IL1RAPL2: variants seen among roughly 807,000 people sequenced by gnomAD.
IL1RAPL2 encodes the protein X-linked interleukin-1 receptor accessory protein-like 2.
In IL1RAPL2, 3 loss-of-function variants were observed where a neutral mutation model predicts 44.1. The ratio of observed to expected loss-of-function variants is 0.07; its 90% CI spans 0.03 to 0.18. The LOEUF (loss-of-function observed/expected upper bound fraction) is 0.18. IL1RAPL2 is among the 10% of genes least tolerant of loss of function. IL1RAPL2 has a pLI of 1.00. For missense variants in IL1RAPL2, 391 were observed against 496.4 expected (o/e 0.79, Z 2.02); for synonymous variants, 181 against 178.8 (o/e 1.01, Z -0.10).
At chrX:105,579,892 G>C (rs2037076566) in intron 6 of IL1RAPL2, among the ~76,000 whole-genome samples, 1 of 111,793 alleles carries the variant, frequency 8.9e-6, no homozygotes, top group Non-Finnish European at 1.9e-5. Flanking sequence ...TGGGATGGCT[G>C]TGGTATCCCA....
intron 2 of IL1RAPL2, among the ~76,000 whole-genome samples, chrX:105,151,570 T>C (rs1457291742): frequency 9.1e-6 from 1 of 110,434 alleles, no homozygotes; most frequent in African/African-American, 3.3e-5. Context: ...AGATTTATCA[T>C]AGTAGACAGG....
intron 1 of IL1RAPL2, among the ~76,000 whole-genome samples, chrX:104,592,791 T>C (rs1015002784): frequency 8.9e-6 from 1 of 112,106 alleles, no homozygotes; most frequent in Non-Finnish European, 1.9e-5. Context: ...GCCGGTTCCA[T>C]TTTGGAAGTC....
chrX:104,696,129 A>C (rs1380322564), intron 2 of IL1RAPL2, among the ~76,000 whole-genome samples: 1 of 112,072 alleles, frequency 8.9e-6, no homozygotes, highest in Non-Finnish European at 1.9e-5. Context: ...GCTTTTATCC[A>C]CTGAGGAGTG....
At chrX:104,779,498 G>T (rs781263360) in intron 2 of IL1RAPL2, among the ~76,000 whole-genome samples, 4 of 112,263 alleles carry the variant, frequency 3.6e-5, no homozygotes. Flanking sequence ...ATGGGGATTA[G>T]GGGTTTGAAT....
rs773709388 is a variant in IL1RAPL2, at chrX:105,167,123, A to G, written c.83-28352A>G. On this transcript the variant is annotated intron_variant, in intron 2 of 10. Transcript: ENST00000372582. ...AATGGTCCAACTTCTCTCATCTCTT[A>G]TCTGAACCTACAATCAAGGAGTCCC... is the stretch of plus-strand genomic sequence containing the variant. 3.6e-5 allele frequency among the ~76,000 whole-genome samples: 4 copies of G among 112,292 alleles called. No individual in the cohort carries two copies. The Admixed American group carries it at 3.8e-4, about 11-fold the overall frequency.
At chrX:104,889,390 C>T (rs952417369) in intron 2 of IL1RAPL2, among the ~76,000 whole-genome samples, 1 of 111,890 alleles carries the variant, frequency 8.9e-6, no homozygotes, top group Non-Finnish European at 1.9e-5. Flanking sequence ...ACCAGAGCTA[C>T]CTTGGCAAGT....
chrX:105,018,688 G>A (rs745542531), intron 2 of IL1RAPL2, among the ~76,000 whole-genome samples: 1 of 111,181 alleles, frequency 9.0e-6, no homozygotes, highest in Non-Finnish European at 1.9e-5. Context: ...ATTATTGAGA[G>A]ATTTAAATAA....
intron 6 of IL1RAPL2, among the ~76,000 whole-genome samples, chrX:105,612,732 TG>T (rs753981023): frequency 1.8e-5 from 2 of 111,793 alleles, no homozygotes; most frequent in South Asian, 7.5e-4. Context: ...AGTGCTGCCC[TG>T]TCTCGGCAGA....
intron 5 of IL1RAPL2, chrX:105,405,828 T>G: frequency 8.5e-7 from 1 of 1,175,969 alleles, no homozygotes; most frequent in Non-Finnish European, 1.2e-6. Flanking sequence ...TTTATCTGAT[T>G]TGCTTTCTGT....
chrX:105,599,281 T>C (rs370633131), intron 6 of IL1RAPL2, among the ~76,000 whole-genome samples: 6 of 112,154 alleles, frequency 5.3e-5, no homozygotes, highest in African/African-American at 1.9e-4. Context: ...ATAGAAGATA[T>C]ATGAAGCATA....
rs1174575540 is a variant in IL1RAPL2, at chrX:105,185,035, T to C, written c.83-10440T>C. Among the ~76,000 whole-genome samples, 8 of 112,003 alleles carry C rather than the reference T, an allele frequency of 7.1e-5. No individual in the cohort carries two copies. In the South Asian group the frequency reaches 1.5e-3, roughly 21 times the overall value. The stretch of plus-strand genomic sequence containing the variant: ...TTACGTACACTCTCTTAGACGTCAG[T>C]TGACTGGAACACATCTCAGAAGAAC... On this transcript the variant is annotated intron_variant, in intron 2 of 10. Transcript: ENST00000372582.
At chrX:105,006,315 G>C (rs2030941447) in intron 2 of IL1RAPL2, among the ~76,000 whole-genome samples, 1 of 109,845 alleles carries the variant, frequency 9.1e-6, no homozygotes, top group Admixed American at 9.8e-5. Flanking sequence ...TTTATGACTG[G>C]TTTTATGTAG....
At chrX:104,952,700 A>G (rs1304244009) in intron 2 of IL1RAPL2, among the ~76,000 whole-genome samples, 2 of 111,697 alleles carry the variant, frequency 1.8e-5, no homozygotes. Flanking sequence ...CCCCTCATGC[A>G]TTCATCAGCT....
chrX:105,702,669 G>T (rs930236075), intron 6 of IL1RAPL2, among the ~76,000 whole-genome samples: 2 of 112,027 alleles, frequency 1.8e-5, no homozygotes, highest in African/African-American at 3.2e-5. Context: ...GCAATGACAT[G>T]TGCAAGGTTA....
chrX:105,364,682 CG>C (rs1913791858), intron 5 of IL1RAPL2, among the ~76,000 whole-genome samples: 1 of 110,363 alleles, frequency 9.1e-6, no homozygotes, highest in African/African-American at 3.3e-5. Context: ...TTGTAAATGA[CG>C]TTTTAAAAAA....
At chrX:104,587,246 C>T (rs1468052097) in intron 1 of IL1RAPL2, among the ~76,000 whole-genome samples, 1 of 111,379 alleles carries the variant, frequency 9.0e-6, no homozygotes. Context: ...TGAGGTGAAG[C>T]GTATAAAGGA....
chrX:104,841,245 T>C (rs765178558), intron 2 of IL1RAPL2, among the ~76,000 whole-genome samples: 3 of 111,796 alleles, frequency 2.7e-5, no homozygotes, highest in Non-Finnish European at 5.6e-5. Context: ...GCTTGGTAAA[T>C]ATTCCCCCAC....
intron 6 of IL1RAPL2, among the ~76,000 whole-genome samples, chrX:105,678,928 T>TA (rs971712718): frequency 2.8e-4 from 31 of 110,021 alleles, no homozygotes; most frequent in African/African-American, 9.2e-4. Flanking sequence ...GTATGCACAA[T>TA]AAAAAAATGC....
At chrX:105,613,291 A>G (rs1048751518) in intron 6 of IL1RAPL2, among the ~76,000 whole-genome samples, 2 of 111,905 alleles carry the variant, frequency 1.8e-5, no homozygotes, top group African/African-American at 6.5e-5. Flanking sequence ...CTGGCTGACT[A>G]AAAAGCCGTT....
Sources: gnomAD v4.1 joint callset for allele counts (sites outside exome capture counted in the v4.1 genomes callset) on GRCh38, gnomAD v4.1.1 for gene constraint, MANE v1.5 for transcripts, NCBI Gene and HGNC (gene_info 2026-07-23, HGNC 2026-07-21) for gene names.